PELI3: variants seen among roughly 807,000 people sequenced by gnomAD.
The protein encoded by PELI3 is E3 ubiquitin-protein ligase pellino homolog 3.
In PELI3, 19 loss-of-function variants were observed where a neutral mutation model predicts 35.5. That is an observed-to-expected ratio of 0.54 (90% CI 0.37 to 0.79). The LOEUF (loss-of-function observed/expected upper bound fraction) is 0.79, where lower values mean the gene tolerates loss of function less well. Among genes scored for constraint, PELI3 ranks in the 30% least tolerant of loss-of-function variants. The probability of loss-of-function intolerance (pLI) is 0.00; values close to 1 mark genes in which losing one functional copy is unlikely to be tolerated. For missense variants in PELI3, 490 were observed against 661.2 expected, an observed-to-expected ratio of 0.74 and a Z score of 2.84; for synonymous variants, 262 against 279.2, an observed-to-expected ratio of 0.94 and a Z score of 0.62.
Position 66,476,368 on chromosome 11 carries a change from G to C in PELI3, c.*201G>C. 1.6e-6 allele frequency: 1 copy of C among 620,092 alleles called. No homozygotes were observed. The highest frequency in any genetic ancestry group is 2.8e-6 in the Non-Finnish European group (1 of 357,388). The allele number at this position is 620,092 out of a possible 1,614,324, so 38.4% of individuals were successfully genotyped here. On this transcript the variant is annotated 3_prime_UTR_variant, in exon 8 of 8. Transcript: ENST00000320740. ...ATCTCCACCCCAGTCATGCTGATGG[G>C]GCCTTCAGCACCAGCTCTGTCCTGG...
intron 5 of PELI3, among the ~76,000 whole-genome samples, chr11:66,472,823 C>G (rs1854769740): frequency 6.6e-6 from 1 of 152,170 alleles, no homozygotes; most frequent in Non-Finnish European, 1.5e-5. Flanking sequence ...TAAAATGAGG[C>G]CCATAATAGT....
intron 3 of PELI3, among the ~76,000 whole-genome samples, chr11:66,470,857 C>T (rs1344232760): frequency 1.3e-5 from 2 of 152,164 alleles, no homozygotes; most frequent in Non-Finnish European, 2.9e-5. Flanking sequence ...GCATCCTTGG[C>T]TTGTGCCTGG....
In PELI3 at chr11:66,471,466, C is replaced by A. The variant is rs948799926; in HGVS notation, c.354+95C>A. The A allele has an allele frequency of 4.7e-6, 7 of 1,479,210 alleles. No homozygotes were observed. The African/African-American group carries it at 7.1e-5, about 15-fold the overall frequency. 91.6% of individuals were successfully genotyped at this position (1,479,210 alleles called of 1,614,324 possible). A position where few individuals can be genotyped will look rare whatever the true frequency, so the allele number is the denominator to read the frequency against. On this transcript the variant is annotated intron_variant, in intron 4 of 7. Transcript: ENST00000320740. Reference sequence around the variant, plus strand: ...GTCCTACCTGCCCACAGCCCCCACACCTTAACAGGGGAGCCCACTTTGTGT... The same window carrying A: ...GTCCTACCTGCCCACAGCCCCCACAACTTAACAGGGGAGCCCACTTTGTGT...
chr11:66,469,599 C>T (rs1854645473), intron 3 of PELI3, among the ~76,000 whole-genome samples: 1 of 152,178 alleles, frequency 6.6e-6, no homozygotes, highest in Admixed American at 6.5e-5. Flanking sequence ...ACTGGCTTTC[C>T]AGCCCAAGGC....
chr11:66,473,956 T>A lies in PELI3; in HGVS notation c.840+31T>A, dbSNP rs761266631. 6.2e-7 allele frequency: 1 copy of A among 1,609,292 alleles called. No homozygotes were observed. On this transcript the variant is annotated intron_variant, in intron 7 of 7. Transcript: ENST00000320740. This position sits in a 1 kb window ranked among gnomAD's most constrained non-coding sequence, Gnocchi z 5.8. ...TGGCCCGCTCCATTCCCCACCCCTA[T>A]CCTTGCCAGGCCCTCACAAGCTGCC...
intron 3 of PELI3, among the ~76,000 whole-genome samples, 161 bp from the exon 4 acceptor site, chr11:66,471,081 T>A (rs534839402): frequency 6.6e-6 from 1 of 152,306 alleles, no homozygotes; most frequent in East Asian, 1.9e-4. Flanking sequence ...ACCAATTTGT[T>A]ATTGTAGGGT....
At chr11:66,468,945 C>T in intron 3 of PELI3, 41 bp downstream of exon 3, 1 of 716,462 alleles carries the variant, frequency 1.4e-6, no homozygotes, top group Non-Finnish European at 2.6e-6. Flanking sequence ...GTCTTTCTTA[C>T]TCTAGGTCTA....
chr11:66,474,351 C>T, intron 7 of PELI3: 1 of 481,094 alleles, frequency 2.1e-6, no homozygotes, highest in Non-Finnish European at 3.7e-6. Context: ...CTGTTCTCCT[C>T]TCGCAGGAGG....
rs1350357891 is a variant in PELI3 at position 66,467,664 on chromosome 11, C to T, written c.-1-464C>T. 1 of 154,982 alleles carries T rather than the reference C, an allele frequency of 6.5e-6. No homozygotes were observed. Among genetic ancestry groups the T allele is most frequent in the Non-Finnish European group, 1.4e-5 (1 of 69,862 alleles). 9.6% of individuals were successfully genotyped at this position (154,982 alleles called of 1,614,324 possible). On this transcript the variant is annotated intron_variant, in intron 1 of 7. Coordinates refer to ENST00000320740, the MANE Select transcript of PELI3 (RefSeq NM_145065.3). The surrounding 1 kb of genome is among the most constrained non-coding windows in gnomAD (Gnocchi z 4.2). ...GAGAGTCATTGAGAAAGCAGATGGA[C>T]AGACAGAGGCCTAGACCTCAAAGGG...
rs1232822807 is a variant in PELI3, at chr11:66,466,950, C to A, written c.-79C>A. On this transcript the variant is annotated 5_prime_UTR_variant, in exon 1 of 8. Transcript: ENST00000320740. ...CGGAGCCGCCGCGGGCCGGGCCCAT[C>A]CCGCCGCAGCGGCCCGGGGCCGAGC... The A allele has an allele frequency of 6.6e-6, 1 of 151,308 alleles. No homozygotes were observed. Among genetic ancestry groups the A allele is most frequent in the African/African-American group, 2.4e-5 (1 of 41,314 alleles). 9.4% of individuals were successfully genotyped at this position (151,308 alleles called of 1,614,324 possible). A position where few individuals can be genotyped will look rare whatever the true frequency, so the allele number is the denominator to read the frequency against.
chr11:66,467,258 C>A lies in PELI3; in HGVS notation c.-2+231C>A, dbSNP rs1854565523. ...CGCGCGTGTTGTGCGGAGGGGCCGCCGGGTGTGGACCTGCGTAGGTGCTGG... is the reference window on the plus strand; with the variant it reads ...CGCGCGTGTTGTGCGGAGGGGCCGCAGGGTGTGGACCTGCGTAGGTGCTGG... On this transcript the variant is annotated intron_variant, in intron 1 of 7. Transcript: ENST00000320740. This position sits in a 1 kb window ranked among gnomAD's most constrained non-coding sequence, Gnocchi z 4.2. 1 of 151,408 alleles carries A rather than the reference C, an allele frequency of 6.6e-6. No individual in the cohort carries two copies. 9.4% of individuals were successfully genotyped at this position (151,408 alleles called of 1,614,324 possible).
chr11:66,476,294 T>A lies in PELI3; in HGVS notation c.*127T>A. On this transcript the variant is annotated 3_prime_UTR_variant, in exon 8 of 8. Transcript: ENST00000320740. ...AGCCACACCAGATGGACATGTTGGA[T>A]GGGCTGTGCCCTTCCCCCCAACTGT... The A allele has an allele frequency of 1.9e-6, 2 of 1,079,458 alleles. No homozygotes were observed. The highest frequency in any genetic ancestry group is 1.3e-6 in the Non-Finnish European group (1 of 771,492). 66.9% of individuals were successfully genotyped at this position (1,079,458 alleles called of 1,614,324 possible).
chr11:66,476,270 G>A lies in PELI3; in HGVS notation c.*103G>A. ...ATGTGGGACACTCCCTGCTGGCACA[G>A]CCACACCAGATGGACATGTTGGATG... On this transcript the variant is annotated 3_prime_UTR_variant, in exon 8 of 8. Transcript: ENST00000320740. 1.6e-6 allele frequency: 2 copies of A among 1,244,514 alleles called. No homozygotes were observed. Among genetic ancestry groups the A allele is most frequent in the East Asian group, 5.1e-5 (2 of 39,112 alleles). 77.1% of individuals were successfully genotyped at this position (1,244,514 alleles called of 1,614,324 possible). A position where few individuals can be genotyped will look rare whatever the true frequency, so the allele number is the denominator to read the frequency against.
At position 66,473,799 on chromosome 11, in the gene PELI3, C is replaced by T; in HGVS notation, c.714C>T (p.Val238=). Residue 238 remains valine, a synonymous_variant, in exon 7 of 8, where the codon GTC becomes GTT. Coordinates refer to ENST00000320740, the MANE Select transcript of PELI3 (RefSeq NM_145065.3). This position sits in a 1 kb window ranked among gnomAD's most constrained non-coding sequence, Gnocchi z 5.8. ...TGGATGGACTGACCACCAATGGAGT[C>T]CTGGTGATGCACCCGGCAGGCGGCT... ...GLMDGLTTNG[V]LVMHPAGGFS... 2 of 1,613,960 alleles carry T rather than the reference C, an allele frequency of 1.2e-6. No individual in the cohort carries two copies. The highest frequency in any genetic ancestry group is 1.7e-6 in the Non-Finnish European group (2 of 1,179,996).
intron 3 of PELI3, 26 bp from the exon 4 acceptor site, chr11:66,471,203 CTCTTGCAACCCCT>C: frequency 6.3e-7 from 1 of 1,582,304 alleles, no homozygotes. Flanking sequence ...TCTCTCTCTC[CTCTTGCAACCCCT>C]TCTTCTTAAC....
At chr11:66,468,777 G>T (rs375325868) in intron 2 of PELI3, 56 bp from the exon 3 acceptor site, 1 of 768,322 alleles carries the variant, frequency 1.3e-6, no homozygotes, top group Non-Finnish European at 2.4e-6. Context: ...TGTTCTGGGA[G>T]GCAGGCCTGT....
At chr11:66,468,045 C>T (rs1854595959) in intron 1 of PELI3, 83 bp from the exon 2 acceptor site, 21 of 1,471,196 alleles carry the variant, frequency 1.4e-5, no homozygotes, top group Non-Finnish European at 1.8e-5. Flanking sequence ...TTAGCCTAGG[C>T]GGCCCTGCAG....
Position 66,475,981 on chromosome 11 carries a change from T to C in PELI3, c.1224T>C (p.Pro408=). ...LGQEAGLCLD[P]GPPSHAFAPC... ...AGGAGGCCGGCCTCTGCCTGGACCC[T>C]GGGCCGCCTAGCCATGCCTTTGCAC... The change falls in exon 8 of 8, where the codon CCT becomes CCC. Residue 408 remains proline (P), a synonymous_variant. Transcript: ENST00000320740. 1 of 1,611,892 alleles carries C rather than the reference T, an allele frequency of 6.2e-7. No homozygotes were observed. Among genetic ancestry groups the C allele is most frequent in the South Asian group, 1.1e-5 (1 of 91,074 alleles).
rs976232196 is a variant in PELI3, at chr11:66,476,298, C to T, written c.*131C>T. 2 of 1,045,248 alleles carry T rather than the reference C, an allele frequency of 1.9e-6. No homozygotes were observed. The highest frequency in any genetic ancestry group is 2.9e-5 in the Admixed American group (1 of 35,062). The allele number at this position is 1,045,248 out of a possible 1,614,324, so 64.7% of individuals were successfully genotyped here. On this transcript the variant is annotated 3_prime_UTR_variant, in exon 8 of 8. Coordinates refer to ENST00000320740, the MANE Select transcript of PELI3 (RefSeq NM_145065.3). ...ACACCAGATGGACATGTTGGATGGGCTGTGCCCTTCCCCCCAACTGTGGCC... is the reference window on the plus strand; with the variant it reads ...ACACCAGATGGACATGTTGGATGGGTTGTGCCCTTCCCCCCAACTGTGGCC...
Sources: gnomAD v4.1 joint callset for allele counts (sites outside exome capture counted in the v4.1 genomes callset) on GRCh38, gnomAD v4.1.1 for gene constraint, Gnocchi (gnomAD v3.1) non-coding constraint, MANE v1.5 for transcripts, NCBI Gene and HGNC (gene_info 2026-07-23, HGNC 2026-07-21) for gene names.